Variants in CTCF observed in about 807,000 individuals in gnomAD.
CTCF encodes the protein transcriptional repressor CTCF.
CTCF carries 7 observed loss-of-function variants against 72.3 expected under a neutral mutation model. The ratio of observed to expected loss-of-function variants is 0.10; its 90% CI spans 0.06 to 0.18. The LOEUF is 0.18. Ranked by LOEUF, CTCF falls within the 10% of genes least tolerant of loss-of-function variation. The pLI is 1.00. For missense variants in CTCF, 516 were observed against 949.1 expected, an observed-to-expected ratio of 0.54 and a Z score of 6.00; for synonymous variants, 374 against 315.8, an observed-to-expected ratio of 1.18 and a Z score of -1.95.
chr16:67,624,360 C>A (rs2052253108), intron 7 of CTCF, among the ~76,000 whole-genome samples: 1 of 151,784 alleles, frequency 6.6e-6, no homozygotes, highest in Admixed American at 6.6e-5. Flanking sequence ...TCATGAATGA[C>A]CCCACTCTCT....
At chr16:67,631,059 G>A (rs1181348378) in intron 10 of CTCF, among the ~76,000 whole-genome samples, 1 of 151,930 alleles carries the variant, frequency 6.6e-6, no homozygotes, top group Non-Finnish European at 1.5e-5. Context: ...TGCACTGGTT[G>A]TCAGTAGAAA....
At chr16:67,584,334 C>CGTCTTTTTTTTT (rs1567596519) in intron 2 of CTCF, among the ~76,000 whole-genome samples, 3 of 121,926 alleles carry the variant, frequency 2.5e-5, no homozygotes, top group Admixed American at 7.7e-5. Flanking sequence ...AAAAAAAAGT[C>CGTCTTTTTTTTT]TTCTTTTTTT....
chr16:67,626,975 TGA>T, intron 8 of CTCF: 1 of 305,818 alleles, frequency 3.3e-6, no homozygotes, highest in East Asian at 5.1e-5. Flanking sequence ...GTCCAGGACT[TGA>T]GAGAGGGGAA....
intron 2 of CTCF, among the ~76,000 whole-genome samples, chr16:67,576,850 G>A (rs2051504771): frequency 6.6e-6 from 1 of 152,006 alleles, no homozygotes. Flanking sequence ...ATGTTGTGTA[G>A]CCATTATGTA....
intron 2 of CTCF, among the ~76,000 whole-genome samples, chr16:67,575,265 A>G (rs754888727): frequency 1.2e-4 from 18 of 152,014 alleles, no homozygotes; most frequent in Non-Finnish European, 2.1e-4. Flanking sequence ...TAAACAAATA[A>G]GTAAGTAAGA....
chr16:67,574,081 C>T (rs1305665859), intron 2 of CTCF, among the ~76,000 whole-genome samples: 1 of 151,880 alleles, frequency 6.6e-6, no homozygotes. Context: ...ATTTTCCTCA[C>T]ACACCAAACA....
intron 8 of CTCF, 128 bp from the exon 9 acceptor site, chr16:67,628,242 C>A: frequency 1.3e-6 from 1 of 762,512 alleles, no homozygotes; most frequent in Non-Finnish European, 2.1e-6. Flanking sequence ...TTTATCATCT[C>A]AACAAGCCGT....
intron 2 of CTCF, among the ~76,000 whole-genome samples, chr16:67,591,166 G>T (rs1175689917): frequency 6.6e-6 from 1 of 151,836 alleles, no homozygotes; most frequent in East Asian, 1.9e-4. Context: ...GGTGATGCGT[G>T]CCTGTAATCC....
At chr16:67,624,478 C>A (rs929508407) in intron 7 of CTCF, among the ~76,000 whole-genome samples, 1 of 152,128 alleles carries the variant, frequency 6.6e-6, no homozygotes, top group Non-Finnish European at 1.5e-5. Flanking sequence ...CACTTTCTTC[C>A]CTTGGCCTCT....
At chr16:67,599,110 G>A (rs781431294) in intron 2 of CTCF, among the ~76,000 whole-genome samples, 3 of 152,194 alleles carry the variant, frequency 2.0e-5, no homozygotes, top group Non-Finnish European at 4.4e-5. Context: ...TGCGGTGGCT[G>A]AAGCGGCCGA....
At chr16:67,620,267 C>A (rs1342051310) in intron 5 of CTCF, among the ~76,000 whole-genome samples, 1 of 152,106 alleles carries the variant, frequency 6.6e-6, no homozygotes, top group Non-Finnish European at 1.5e-5. Context: ...GTGGCACGAT[C>A]TCGGGTCACT....
intron 2 of CTCF, among the ~76,000 whole-genome samples, chr16:67,590,483 C>A (rs2051727229): frequency 6.6e-6 from 1 of 151,786 alleles, no homozygotes; most frequent in East Asian, 1.9e-4. Flanking sequence ...ATACAAAAAG[C>A]CCTGTTATTT....
chr16:67,625,708 CTG>C (rs931009825), intron 7 of CTCF, among the ~76,000 whole-genome samples: 2 of 152,120 alleles, frequency 1.3e-5, no homozygotes, highest in African/African-American at 4.8e-5. Context: ...CCTTATATAA[CTG>C]TGTATCCCTT....
At chr16:67,615,864 T>C (rs768187977) in intron 4 of CTCF, 10 of 152,222 alleles carry the variant, frequency 6.6e-5, no homozygotes, top group South Asian at 4.1e-4. Flanking sequence ...TTTCTGCAGA[T>C]GGCTGGTTCT....
At chr16:67,635,815 A>G (rs941595368) in intron 10 of CTCF, among the ~76,000 whole-genome samples, 4 of 151,850 alleles carry the variant, frequency 2.6e-5, no homozygotes, top group African/African-American at 9.7e-5. Flanking sequence ...TTGTAGAGAT[A>G]AGGTCTCACT....
chr16:67,594,410 T>C (rs1048135165), intron 2 of CTCF, among the ~76,000 whole-genome samples: 4 of 150,808 alleles, frequency 2.7e-5, no homozygotes, highest in African/African-American at 9.8e-5. Flanking sequence ...GGTGTAAGAA[T>C]TGACACAGGC....
At chr16:67,600,993 G>A (rs2051878736) in intron 2 of CTCF, among the ~76,000 whole-genome samples, 1 of 152,032 alleles carries the variant, frequency 6.6e-6, no homozygotes, top group South Asian at 2.1e-4. Context: ...AGAGTGAGTG[G>A]GTATGTTTTG....
At chr16:67,604,141 A>AAG in intron 2 of CTCF, among the ~76,000 whole-genome samples, 1 of 151,246 alleles carries the variant, frequency 6.6e-6, no homozygotes, top group African/African-American at 2.4e-5. Context: ...AAAAAAAAAA[A>AAG]AAAAGAAAAG....
intron 6 of CTCF, chr16:67,621,129 G>A: frequency 2.8e-6 from 1 of 363,502 alleles, no homozygotes; most frequent in Non-Finnish European, 5.0e-6. Flanking sequence ...ACCTTATTCA[G>A]TTTTCCTGGA....
Sources: gnomAD v4.1 joint callset for allele counts (sites outside exome capture counted in the v4.1 genomes callset) on GRCh38, gnomAD v4.1.1 for gene constraint, MANE v1.5 for transcripts, NCBI Gene and HGNC (gene_info 2026-07-23, HGNC 2026-07-21) for gene names.